The following GLI3 variants were observed in gnomAD, a reference collection of about 807,000 sequenced individuals.
The protein encoded by GLI3 is GLI family zinc finger 3, also known as transcription activator GLI3.
Under a neutral mutation model 100.8 loss-of-function variants are expected in GLI3, and 20 were observed. That is an observed-to-expected ratio of 0.20 (90% confidence interval 0.14 to 0.29). The LOEUF (loss-of-function observed/expected upper bound fraction) is 0.29, where lower values mean the gene tolerates loss of function less well. Ranked by LOEUF, GLI3 falls within the 10% of genes least tolerant of loss-of-function variation. The probability of loss-of-function intolerance (pLI) is 1.00; values close to 1 mark genes in which losing one functional copy is unlikely to be tolerated. For synonymous variants in GLI3, 938 were observed against 860.5 expected, an observed-to-expected ratio of 1.09 and a Z score of -1.58; for missense variants, 2,040 against 2,128.5, an observed-to-expected ratio of 0.96 and a Z score of 0.82.
At chr7:42,235,185 T>A (rs1397354192) in intron 1 of GLI3, among the ~76,000 whole-genome samples, 2 of 152,254 alleles carry the variant, frequency 1.3e-5, no homozygotes, top group Admixed American at 6.5e-5. Context: ...ACTGTCAGAC[T>A]ACTATTAATT....
chr7:42,255,505 G>T lies in GLI3; in HGVS notation c.-43+8489C>A, dbSNP rs1031134027. Among the ~76,000 whole-genome samples, 3 of 152,128 alleles carry T rather than the reference G, an allele frequency of 2.0e-5. No homozygotes were observed. The East Asian group carries it at 5.8e-4, about 29-fold the overall frequency. ...TCCTGCTCCTGCCTTCAGTCTTAAG[G>T]ATTGCTAATATGCTTTCTATCCAAG... On this transcript the variant is annotated intron_variant, in intron 1 of 2. Coordinates refer to the GLI3 transcript ENST00000678978.
intron 1 of GLI3, among the ~76,000 whole-genome samples, chr7:42,257,928 T>C (rs1353933665): frequency 6.6e-6 from 1 of 152,178 alleles, no homozygotes; most frequent in Non-Finnish European, 1.5e-5. Flanking sequence ...GAATTCTTTT[T>C]GTATGTTGCT....
intron 2 of GLI3, among the ~76,000 whole-genome samples, chr7:42,171,536 T>G (rs1241811428): frequency 2.0e-5 from 3 of 152,254 alleles, no homozygotes; most frequent in African/African-American, 7.2e-5. Flanking sequence ...GCTATGTTCT[T>G]CAATATTTTT....
intron 2 of GLI3, among the ~76,000 whole-genome samples, chr7:42,206,052 G>A (rs1788144813): frequency 6.6e-6 from 1 of 152,148 alleles, no homozygotes; most frequent in South Asian, 2.1e-4. Context: ...TGGATCATCT[G>A]AGGTCAGAAG....
chr7:42,067,715 T>C (rs1003270529), intron 4 of GLI3, among the ~76,000 whole-genome samples: 3 of 152,024 alleles, frequency 2.0e-5, no homozygotes, highest in Non-Finnish European at 1.5e-5. Flanking sequence ...CAGGGCTCCT[T>C]AGGAACAATT....
chr7:42,260,481 A>C, intron 1 of GLI3, among the ~76,000 whole-genome samples: 1 of 152,232 alleles, frequency 6.6e-6, no homozygotes, highest in East Asian at 1.9e-4. Flanking sequence ...GTGTGTGTAT[A>C]AGTATATACC....
chr7:41,965,282 G>A lies in GLI3; in HGVS notation c.3791C>T (p.Ala1264Val). 3 of 1,613,696 alleles carry A rather than the reference G, an allele frequency of 1.9e-6. No individual in the cohort carries two copies. The highest frequency in any genetic ancestry group is 1.6e-4 in the Middle Eastern group (1 of 6,062). ...ACAGGCACCGTCGAGTGCACCAGGGGCCACTGGCTGCCTGTTGAGACAGTT... is the reference window on the plus strand; with the variant it reads ...ACAGGCACCGTCGAGTGCACCAGGGACCACTGGCTGCCTGTTGAGACAGTT... ...YGNCLNRQPV[A>V]PGALDGACGA... Residue 1264 changes from alanine to valine, a missense_variant, in exon 15 of 15, where the codon GCC becomes GTC. By Grantham distance (64) the Ala-to-Val change is moderately conservative. Coordinates refer to ENST00000395925, the MANE Select transcript of GLI3 (RefSeq NM_000168.6).
chr7:42,202,369 CACA>C, intron 2 of GLI3, among the ~76,000 whole-genome samples: 1 of 151,562 alleles, frequency 6.6e-6, no homozygotes, highest in Admixed American at 6.6e-5. Context: ...CACACACACA[CACA>C]CACACACACA....
intron 3 of GLI3, chr7:42,145,622 GAAAAA>G (rs59890189): frequency 3.1e-6 from 1 of 317,688 alleles, no homozygotes. Flanking sequence ...AAGAAAGAAA[GAAAAA>G]AAAAAAAAAC....
intron 14 of GLI3, 60 bp downstream of exon 14, chr7:41,967,536 G>C: frequency 1.7e-6 from 2 of 1,153,412 alleles, no homozygotes; most frequent in Admixed American, 1.9e-5. Context: ...CTGAGGGCCT[G>C]CATTTAAAAG....
At chr7:41,997,061 C>T (rs536987942) in intron 10 of GLI3, among the ~76,000 whole-genome samples, 7 of 152,272 alleles carry the variant, frequency 4.6e-5, no homozygotes, top group African/African-American at 9.6e-5. Flanking sequence ...GAGACACTCC[C>T]GTAATCTCAG....
chr7:42,230,641 T>C (rs1354694971), intron 1 of GLI3, among the ~76,000 whole-genome samples: 1 of 152,234 alleles, frequency 6.6e-6, no homozygotes, highest in African/African-American at 2.4e-5. Context: ...CATCAGCTAC[T>C]CTTCCCCTGT....
At chr7:42,037,020 T>A (rs940535173) in intron 7 of GLI3, among the ~76,000 whole-genome samples, 1 of 152,138 alleles carries the variant, frequency 6.6e-6, no homozygotes, top group African/African-American at 2.4e-5. Flanking sequence ...TGGGCCACTA[T>A]AATCCCAGCT....
At chr7:42,101,439 AT>A (rs952003784) in intron 3 of GLI3, among the ~76,000 whole-genome samples, 147 of 148,900 alleles carry the variant, frequency 9.9e-4, no homozygotes, top group African/African-American at 3.3e-3. Flanking sequence ...GGTCTCTACA[AT>A]TTTTTTTTTC....
At chr7:42,177,073 C>G (rs1787494269) in intron 2 of GLI3, among the ~76,000 whole-genome samples, 1 of 152,212 alleles carries the variant, frequency 6.6e-6, no homozygotes, top group African/African-American at 2.4e-5. Context: ...ACAGGAGGGG[C>G]TGATCTAGGT....
chr7:42,145,585 TC>T (rs2128785076), intron 3 of GLI3: 1 of 394,930 alleles, frequency 2.5e-6, no homozygotes, highest in South Asian at 1.3e-4. Flanking sequence ...GAAACTGGTC[TC>T]AGGCAAGCAG....
intron 4 of GLI3, among the ~76,000 whole-genome samples, chr7:42,057,929 T>C (rs1324590366): frequency 6.6e-6 from 1 of 152,106 alleles, no homozygotes; most frequent in Non-Finnish European, 1.5e-5. Flanking sequence ...AAAAACTACA[T>C]ATTGGGTACA....
At chr7:42,198,139 A>G (rs1288049084) in intron 2 of GLI3, among the ~76,000 whole-genome samples, 1 of 152,338 alleles carries the variant, frequency 6.6e-6, no homozygotes, top group East Asian at 1.9e-4. Flanking sequence ...GAGCCCCTGC[A>G]CTGTGGCGGC....
intron 10 of GLI3, among the ~76,000 whole-genome samples, chr7:41,984,390 CT>C (rs960405706): frequency 1.3e-5 from 2 of 152,196 alleles, no homozygotes; most frequent in Non-Finnish European, 2.9e-5. Context: ...AAGTACACTT[CT>C]GCTTTCCTTC....
Sources: allele counts gnomAD v4.1 joint callset (sites outside exome capture counted in the v4.1 genomes callset), GRCh38; gene constraint gnomAD v4.1.1; transcripts MANE v1.5; gene names NCBI Gene and HGNC (gene_info 2026-07-23, HGNC 2026-07-21).